The following SPTA1 variants were observed in gnomAD, a reference collection of about 807,000 sequenced individuals.
SPTA1 encodes the protein spectrin alpha, erythrocytic 1.
In SPTA1, 177 loss-of-function variants were observed where a neutral mutation model predicts 324.7. The ratio of observed to expected loss-of-function variants is 0.55; its 90% CI spans 0.48 to 0.62. SPTA1 has a LOEUF of 0.62. Ranked by LOEUF, SPTA1 falls within the 20% of genes least tolerant of loss-of-function variation. The pLI is 0.00. For missense variants in SPTA1, 3,162 were observed against 2,883.6 expected (o/e 1.10, Z -2.21); for synonymous variants, 1,195 against 1,041.3 (o/e 1.15, Z -2.84).
Position 158,662,852 on chromosome 1 carries a change from C to T in SPTA1, c.2314G>A (p.Val772Ile), listed in dbSNP as rs1225249141. ...KDIRARQESL[V>I]CRFEALKEPL... Reference sequence around the variant, plus strand: ...TCTTTCAGAGCTTCAAATCGGCATACCAAGGACTCTTGCCTTGCCCTTATA... The same window carrying T: ...TCTTTCAGAGCTTCAAATCGGCATATCAAGGACTCTTGCCTTGCCCTTATA... Residue 772 changes from valine to isoleucine, a missense_variant, in exon 17 of 52, where the codon GTA (valine) becomes ATA (isoleucine). Physicochemically the swap from Val to Ile is conservative, Grantham distance 29. Transcript: ENST00000643759. 2 of 1,614,096 alleles carry T rather than the reference C, an allele frequency of 1.2e-6. No homozygotes were observed. Among genetic ancestry groups the T allele is most frequent in the African/African-American group, 2.7e-5 (2 of 75,018 alleles).
chr1:158,672,149 G>A lies in SPTA1; in HGVS notation c.1398C>T (p.Asp466=), dbSNP rs763562631. The change falls in exon 11 of 52, where the codon GAC becomes GAT. Residue 466 remains aspartate (D), a synonymous_variant. Transcript: ENST00000643759. ...NNWTALLELW[D]ERHRQYEQCL... is the part of the protein sequence containing the mutation. ...ACTGCTCATACTGACGATGACGCTCGTCCCACAGTTCCAGCAGGGCAGTCC... is the reference window on the plus strand; with the variant it reads ...ACTGCTCATACTGACGATGACGCTCATCCCACAGTTCCAGCAGGGCAGTCC... 2.3e-5 allele frequency: 37 copies of A among 1,614,024 alleles called. No homozygotes were observed. The East Asian group carries it at 4.2e-4, about 18-fold the overall frequency.
intron 43 of SPTA1, chr1:158,622,637 C>A: frequency 3.4e-6 from 1 of 290,646 alleles, no homozygotes; most frequent in South Asian, 3.5e-5. Flanking sequence ...TCCAGTGCTC[C>A]TTTTATTTGG....
intron 4 of SPTA1, among the ~76,000 whole-genome samples, 187 bp from the exon 5 acceptor site, chr1:158,680,916 G>A (rs947410109): frequency 1.3e-5 from 2 of 152,130 alleles, no homozygotes; most frequent in East Asian, 3.9e-4. Flanking sequence ...TTGGCACAAG[G>A]GAAAGTGCTC....
chr1:158,656,681 CA>C, intron 19 of SPTA1, 25 bp from the exon 20 acceptor site: 5 of 1,585,142 alleles, frequency 3.2e-6, no homozygotes, highest in Non-Finnish European at 4.3e-6. Flanking sequence ...GGAAGATCAT[CA>C]GAATGAATAT....
At chr1:158,668,457 T>G (rs1653774815) in intron 14 of SPTA1, among the ~76,000 whole-genome samples, 1 of 152,112 alleles carries the variant, frequency 6.6e-6, no homozygotes, top group African/African-American at 2.4e-5. Flanking sequence ...GAGCCATAAC[T>G]CATCTAGTGA....
At chr1:158,664,142 C>G (rs35978731) in intron 16 of SPTA1, among the ~76,000 whole-genome samples, 1 of 152,196 alleles carries the variant, frequency 6.6e-6, no homozygotes, top group East Asian at 1.9e-4. Flanking sequence ...GATCTAGAAC[C>G]AGACATATCA....
chr1:158,626,841 A>T lies in SPTA1; in HGVS notation c.5831T>A (p.Ile1944Lys), dbSNP rs1285871810. Residue 1944 changes from isoleucine (I) to lysine (K), a missense_variant and splice_region_variant, in exon 41 of 52, where the codon ATA becomes AAA. Transcript: ENST00000643759. ...NWKADVVEAW[I>K]ADKETSLKTN... Reference sequence around the variant, plus strand: ...ACCCTGAACCTGACACATCATACCTATCCAAGCCTCTACCACATCAGCCTT... The same window carrying T: ...ACCCTGAACCTGACACATCATACCTTTCCAAGCCTCTACCACATCAGCCTT... 1.2e-6 allele frequency: 2 copies of T among 1,613,654 alleles called. No individual in the cohort carries two copies. The highest frequency in any genetic ancestry group is 1.7e-6 in the Non-Finnish European group (2 of 1,179,614).
chr1:158,669,938 T>C, intron 12 of SPTA1, 152 bp from the exon 13 acceptor site: 1 of 739,794 alleles, frequency 1.4e-6, no homozygotes, highest in Non-Finnish European at 2.4e-6. Context: ...AGGTTTCTGT[T>C]ATAAATTGTA....
At chr1:158,619,400 G>T in intron 44 of SPTA1, 66 bp from the exon 45 acceptor site, 2 of 1,485,434 alleles carry the variant, frequency 1.3e-6, no homozygotes, top group Admixed American at 1.7e-5. Context: ...AAGAGAATTG[G>T]TTTGTAGGCT....
intron 39 of SPTA1, among the ~76,000 whole-genome samples, chr1:158,633,641 A>T (rs1333259386): frequency 6.8e-6 from 1 of 148,070 alleles, no homozygotes; most frequent in African/African-American, 2.5e-5. Context: ...AGGCTGGGAG[A>T]CAGAGTGAGA....
chr1:158,654,676 G>A lies in SPTA1; in HGVS notation c.2971C>T (p.Arg991Cys), dbSNP rs565611676. Residue 991 changes from arginine (R) to cysteine (C), a missense_variant, in exon 21 of 52, where the codon CGC (arginine) becomes TGC (cysteine). Physicochemically the swap from Arg to Cys is radical, Grantham distance 180 (BLOSUM62 -3). Coordinates refer to ENST00000643759, the MANE Select transcript of SPTA1 (RefSeq NM_003126.4). ...RVMALYDFQA[R>C]SPREVTMKKG... ...TTCATGGTGACTTCTCGGGGGCTGCGGGCCTGGAAGTCATATAAAGCCATG... is the reference window on the plus strand; with the variant it reads ...TTCATGGTGACTTCTCGGGGGCTGCAGGCCTGGAAGTCATATAAAGCCATG... 1.5e-5 allele frequency: 24 copies of A among 1,613,674 alleles called. No homozygotes were observed. Among genetic ancestry groups the A allele is most frequent in the African/African-American group, 6.7e-5 (5 of 74,884 alleles).
intron 5 of SPTA1, among the ~76,000 whole-genome samples, chr1:158,679,675 G>A (rs539121398): frequency 1.7e-4 from 26 of 152,122 alleles, no homozygotes; most frequent in East Asian, 1.4e-3. Context: ...ACATAAAAAT[G>A]CCAGGTAAGA....
chr1:158,684,103 A>T (rs1470080789), intron 2 of SPTA1, among the ~76,000 whole-genome samples: 1 of 151,992 alleles, frequency 6.6e-6, no homozygotes, highest in Non-Finnish European at 1.5e-5. Context: ...AAGAAAAAAA[A>T]AAAACTCTGG....
At chr1:158,653,887 T>C (rs1174803573) in intron 21 of SPTA1, among the ~76,000 whole-genome samples, 1 of 152,212 alleles carries the variant, frequency 6.6e-6, no homozygotes, top group Non-Finnish European at 1.5e-5. Context: ...TTATTTTTTA[T>C]TTTTGAACTG....
chr1:158,647,710 A>C lies in SPTA1; in HGVS notation c.3725T>G (p.Leu1242Arg), dbSNP rs1266475030. 4.3e-6 allele frequency: 7 copies of C among 1,613,850 alleles called. No individual in the cohort carries two copies. The highest frequency in any genetic ancestry group is 5.9e-6 in the Non-Finnish European group (7 of 1,179,876). ...LVPLGDKVTI[L>R]GETAERLSES... ...ACTGAGCCGCTCTGCTGTCTCCCCC[A>C]GTATGGTCACCTGGGGAGGTACAAT... The change falls in exon 27 of 52, where the codon CTG (leucine) becomes CGG (arginine). Residue 1242 changes from leucine (L) to arginine (R), a missense_variant. Physicochemically the swap from Leu to Arg is moderately radical, Grantham distance 102. Coordinates refer to ENST00000643759, the MANE Select transcript of SPTA1 (RefSeq NM_003126.4).
intron 39 of SPTA1, among the ~76,000 whole-genome samples, chr1:158,630,341 T>C (rs1348957993): frequency 1.3e-5 from 2 of 151,972 alleles, no homozygotes; most frequent in African/African-American, 2.4e-5. Flanking sequence ...AATAAACCCA[T>C]GTATATGTAG....
At chr1:158,681,773 A>C (rs919832889) in intron 3 of SPTA1, 106 bp from the exon 4 acceptor site, 1 of 1,417,992 alleles carries the variant, frequency 7.1e-7, no homozygotes, top group African/African-American at 1.4e-5. Flanking sequence ...TCTCTCAGTT[A>C]CTCATGCATT....
chr1:158,677,953 C>T (rs944215631), intron 6 of SPTA1, 119 bp from the exon 7 acceptor site: 3 of 1,253,042 alleles, frequency 2.4e-6, no homozygotes, highest in Admixed American at 1.9e-5. Flanking sequence ...ATCCTTTCTT[C>T]CTACATACTA....
intron 12 of SPTA1, among the ~76,000 whole-genome samples, chr1:158,670,313 T>C (rs146255575): frequency 2.6e-3 from 398 of 152,328 alleles, no homozygotes; most frequent in Non-Finnish European, 3.7e-3. Context: ...CCCAAATTGC[T>C]AGAGCTCAGA....
Sources: gnomAD v4.1 joint callset for allele counts (sites outside exome capture counted in the v4.1 genomes callset) on GRCh38, gnomAD v4.1.1 for gene constraint, MANE v1.5 for transcripts, NCBI Gene and HGNC (gene_info 2026-07-23, HGNC 2026-07-21) for gene names.